LPP: variants seen among roughly 807,000 people sequenced by gnomAD.
The protein encoded by LPP is LIM domain containing preferred translocation partner in lipoma, also known as lipoma-preferred partner.
In LPP, 38 loss-of-function variants were observed where a neutral mutation model predicts 60.4. That is an observed-to-expected ratio of 0.63 (90% CI 0.49 to 0.83). The LOEUF (loss-of-function observed/expected upper bound fraction) is 0.83, where lower values mean the gene tolerates loss of function less well. Among genes scored for constraint, LPP ranks in the 40% least tolerant of loss-of-function variants. LPP has a pLI of 0.00. For missense variants in LPP, 902 were observed against 783.6 expected, an observed-to-expected ratio of 1.15 and a Z score of -1.80; for synonymous variants, 328 against 290.8, an observed-to-expected ratio of 1.13 and a Z score of -1.30.
At chr3:188,720,736 G>GTACA (rs1716030414) in intron 8 of LPP, among the ~76,000 whole-genome samples, 1 of 151,872 alleles carries the variant, frequency 6.6e-6, no homozygotes, top group Non-Finnish European at 1.5e-5. Flanking sequence ...CTATAGTACT[G>GTACA]TACAGCTCTG....
chr3:188,299,060 G>A (rs1008867669), intron 2 of LPP, among the ~76,000 whole-genome samples: 10 of 152,182 alleles, frequency 6.6e-5, no homozygotes, highest in African/African-American at 1.9e-4. Context: ...TAAGGCAGCA[G>A]ATTGTATCAG....
chr3:188,400,187 A>G (rs1781912265), intron 3 of LPP, among the ~76,000 whole-genome samples: 1 of 152,196 alleles, frequency 6.6e-6, no homozygotes, highest in African/African-American at 2.4e-5. Context: ...AATGGAAATA[A>G]TAAGAGCAAA....
chr3:188,227,534 A>AT (rs1718265547), intron 2 of LPP, among the ~76,000 whole-genome samples: 2 of 152,088 alleles, frequency 1.3e-5, no homozygotes, highest in African/African-American at 4.8e-5. Context: ...ACCTGCGTTT[A>AT]ATAGAGTATG....
intron 7 of LPP, among the ~76,000 whole-genome samples, chr3:188,624,010 C>T (rs1254011946): frequency 6.6e-6 from 1 of 152,134 alleles, no homozygotes; most frequent in Non-Finnish European, 1.5e-5. Flanking sequence ...AAAATTTTAG[C>T]CAATAACATT....
intron 1 of LPP, among the ~76,000 whole-genome samples, chr3:188,216,273 CTTTTTT>C (rs1315000809): frequency 7.6e-6 from 1 of 131,162 alleles, no homozygotes. Context: ...CTTCTTCTTC[CTTTTTT>C]TTTTTTTTTT....
chr3:188,597,955 G>T (rs548385273), intron 6 of LPP, among the ~76,000 whole-genome samples: 66 of 152,270 alleles, frequency 4.3e-4, no homozygotes, highest in Middle Eastern at 3.4e-3. Context: ...AGACGTAAGG[G>T]TTATCATAAG....
chr3:188,323,996 G>A (rs527681937), intron 2 of LPP, among the ~76,000 whole-genome samples: 2 of 152,264 alleles, frequency 1.3e-5, no homozygotes, highest in Admixed American at 1.3e-4. Context: ...GTTGCAATGT[G>A]GTTGACACAG....
intron 7 of LPP, among the ~76,000 whole-genome samples, chr3:188,634,224 T>C (rs1255285027): frequency 6.6e-6 from 1 of 152,238 alleles, no homozygotes; most frequent in East Asian, 1.9e-4. Flanking sequence ...AACTTTAGCA[T>C]TGGAGGGGCG....
At chr3:188,636,466 G>T (rs1848797986) in intron 7 of LPP, among the ~76,000 whole-genome samples, 1 of 152,192 alleles carries the variant, frequency 6.6e-6, no homozygotes, top group Admixed American at 6.5e-5. Flanking sequence ...CAAGGCTGCA[G>T]CAAGACTGGG....
At chr3:188,183,682 T>C (rs1725757252) in intron 1 of LPP, among the ~76,000 whole-genome samples, 1 of 149,604 alleles carries the variant, frequency 6.7e-6, no homozygotes, top group Non-Finnish European at 1.5e-5. Flanking sequence ...CAGTGCTCAC[T>C]GTGCCAGGCA....
chr3:188,475,380 AGTAGATTC>A (rs1802885302), intron 4 of LPP, among the ~76,000 whole-genome samples: 1 of 152,264 alleles, frequency 6.6e-6, no homozygotes, highest in Non-Finnish European at 1.5e-5. Flanking sequence ...GCTGGGTTTG[AGTAGATTC>A]TGCGATTCAT....
chr3:188,885,310 C>A lies in LPP; in HGVS notation c.*10831C>A, dbSNP rs1048773387. 1.0e-5 allele frequency: 2 copies of A among 196,774 alleles called. No individual in the cohort carries two copies. The highest frequency in any genetic ancestry group is 2.3e-5 in the African/African-American group (1 of 43,272). The allele number at this position is 196,774 out of a possible 1,614,324, so 12.2% of individuals were successfully genotyped here. A position where few individuals can be genotyped will look rare whatever the true frequency, so the allele number is the denominator to read the frequency against. ...TTTCCCTCCCTGGAGTGTTATCATC[C>A]ATCAAGCCAGTATCATCATCCACCT... On this transcript the variant is annotated 3_prime_UTR_variant, in exon 12 of 12. Transcript: ENST00000617246.
chr3:188,530,031 C>A (rs1415843877), intron 6 of LPP, among the ~76,000 whole-genome samples: 3 of 152,164 alleles, frequency 2.0e-5, no homozygotes, highest in Non-Finnish European at 4.4e-5. Context: ...ACGGGAAGGG[C>A]ATGGGATTCA....
intron 2 of LPP, among the ~76,000 whole-genome samples, chr3:188,261,744 C>CA (rs10565919): frequency 4.5e-4 from 66 of 146,648 alleles, no homozygotes; most frequent in Non-Finnish European, 7.7e-4. Flanking sequence ...CCTGTCTCTC[C>CA]AAAAAAAAAA....
At chr3:188,443,826 C>T (rs1020233909) in intron 4 of LPP, among the ~76,000 whole-genome samples, 1 of 152,180 alleles carries the variant, frequency 6.6e-6, no homozygotes, top group Non-Finnish European at 1.5e-5. Context: ...TTTGAATTTG[C>T]AGCTTAATAT....
At chr3:188,166,198 T>A (rs1334603460) in intron 1 of LPP, among the ~76,000 whole-genome samples, 1 of 152,170 alleles carries the variant, frequency 6.6e-6, no homozygotes, top group South Asian at 2.1e-4. Context: ...TCTTTTTGTT[T>A]TTTAAATTTA....
chr3:188,250,050 C>G (rs577428395), intron 2 of LPP, among the ~76,000 whole-genome samples: 1 of 152,084 alleles, frequency 6.6e-6, no homozygotes, highest in Non-Finnish European at 1.5e-5. Context: ...ACATTTGACA[C>G]TGATTCAATA....
chr3:188,240,469 T>C (rs535806579), intron 2 of LPP, among the ~76,000 whole-genome samples: 1 of 152,098 alleles, frequency 6.6e-6, no homozygotes, highest in African/African-American at 2.4e-5. Flanking sequence ...AGGCACAGAA[T>C]TTCTGAGTTG....
At chr3:188,156,498 C>T (rs1170377169) in intron 1 of LPP, among the ~76,000 whole-genome samples, 1 of 152,016 alleles carries the variant, frequency 6.6e-6, no homozygotes, top group African/African-American at 2.4e-5. Flanking sequence ...TCGAGAAGCC[C>T]CCTGCTGCCC....
Sources: allele counts gnomAD v4.1 joint callset (sites outside exome capture counted in the v4.1 genomes callset), GRCh38; gene constraint gnomAD v4.1.1; transcripts MANE v1.5; gene names NCBI Gene and HGNC (gene_info 2026-07-23, HGNC 2026-07-21).